Variants in KCNJ6 observed in about 807,000 individuals in gnomAD.
The protein encoded by KCNJ6 is G protein-activated inward rectifier potassium channel 2.
KCNJ6 carries 9 observed loss-of-function variants against 34.2 expected under a neutral mutation model. The observed-to-expected ratio is 0.26, with a 90% confidence interval of 0.16 to 0.46. The LOEUF is 0.46. Ranked by LOEUF, KCNJ6 falls within the 20% of genes least tolerant of loss-of-function variation. The pLI is 1.00. For synonymous variants in KCNJ6, 196 were observed against 207.1 expected (o/e 0.95, Z 0.46); for missense variants, 236 against 531.3 (o/e 0.44, Z 5.46).
chr21:37,668,619 A>AGCAGCATC (rs1252370722), intron 3 of KCNJ6, among the ~76,000 whole-genome samples: 1 of 152,206 alleles, frequency 6.6e-6, no homozygotes, highest in Non-Finnish European at 1.5e-5. Flanking sequence ...CTCGGCCCAC[A>AGCAGCATC]GCAGCATCCG....
chr21:37,678,227 G>A (rs1018861730), intron 3 of KCNJ6, among the ~76,000 whole-genome samples: 1 of 152,194 alleles, frequency 6.6e-6, no homozygotes, highest in Non-Finnish European at 1.5e-5. Flanking sequence ...CAGCTAGTGA[G>A]TGATTCGTTG....
chr21:37,863,855 T>TG lies in KCNJ6; in HGVS notation c.-27-23147_-27-23146insC, dbSNP rs773920622. Among the ~76,000 whole-genome samples, 27 of 82,106 alleles carry TG rather than the reference T, an allele frequency of 3.3e-4. 2 individuals are homozygous for TG. The highest frequency in any genetic ancestry group is 5.1e-4 in the South Asian group (1 of 1,960). The allele number at this position is 82,106 out of a possible 152,430, so 53.9% of individuals were successfully genotyped here. On this transcript the variant is annotated intron_variant, in intron 1 of 3. Transcript: ENST00000609713. ...ATTTTAAAATATAAAGGTTTTTTTT[T>TG]TTTTGTTTTTTTTTTTTTTTGGTGA...
chr21:37,837,443 A>G (rs998118835), intron 2 of KCNJ6, among the ~76,000 whole-genome samples: 3 of 152,192 alleles, frequency 2.0e-5, no homozygotes, highest in African/African-American at 7.2e-5. Context: ...GATGAATGGC[A>G]CGTAGCGGAA....
At chr21:37,717,744 C>T (rs983016404) in intron 2 of KCNJ6, among the ~76,000 whole-genome samples, 2 of 152,234 alleles carry the variant, frequency 1.3e-5, no homozygotes, top group African/African-American at 4.8e-5. Flanking sequence ...GGCTGCCCAG[C>T]TGTGCAAAGC....
At chr21:37,634,295 A>G (rs970610422) in intron 3 of KCNJ6, among the ~76,000 whole-genome samples, 14 of 145,282 alleles carry the variant, frequency 9.6e-5, no homozygotes, top group African/African-American at 3.4e-4. Context: ...TGGCACCTCC[A>G]TCCCCTCTCT....
At chr21:37,797,534 A>G (rs2055249370) in intron 2 of KCNJ6, among the ~76,000 whole-genome samples, 2 of 152,194 alleles carry the variant, frequency 1.3e-5, no homozygotes, top group African/African-American at 4.8e-5. Flanking sequence ...ACAGAATTAT[A>G]ACACCAATGA....
At position 37,622,971 on chromosome 21, in the gene KCNJ6, G is replaced by A. The variant is rs1946500470; in HGVS notation, c.*2188C>T. Reference sequence around the variant, plus strand: ...CCCAAGCCAAGAGTGCCCTTCATTAGGCTGCAGAGAGGTCAAGCCATGGCT... The same window carrying A: ...CCCAAGCCAAGAGTGCCCTTCATTAAGCTGCAGAGAGGTCAAGCCATGGCT... On this transcript the variant is annotated 3_prime_UTR_variant, in exon 4 of 4. Transcript: ENST00000609713. 6.6e-6 allele frequency: 1 copy of A among 152,222 alleles called. No individual in the cohort carries two copies. The highest frequency in any genetic ancestry group is 6.5e-5 in the Admixed American group (1 of 15,280). 9.4% of individuals were successfully genotyped at this position (152,222 alleles called of 1,614,324 possible). A position where few individuals can be genotyped will look rare whatever the true frequency, so the allele number is the denominator to read the frequency against.
intron 1 of KCNJ6, among the ~76,000 whole-genome samples, chr21:37,915,623 G>A (rs1034348029): frequency 2.6e-5 from 4 of 152,256 alleles, no homozygotes; most frequent in Non-Finnish European, 4.4e-5. Context: ...CGAGCCCAGG[G>A]ATGCAGACCC....
At chr21:37,734,452 A>G (rs554386230) in intron 2 of KCNJ6, among the ~76,000 whole-genome samples, 26 of 152,288 alleles carry the variant, frequency 1.7e-4, no homozygotes, top group African/African-American at 6.3e-4. Context: ...GCCCCCTCCA[A>G]TCCCAGGAAG....
intron 3 of KCNJ6, among the ~76,000 whole-genome samples, chr21:37,630,539 A>G (rs2123366816): frequency 6.6e-6 from 1 of 152,316 alleles, no homozygotes; most frequent in South Asian, 2.1e-4. Flanking sequence ...GAGTCATTAG[A>G]AAAGAAAGTG....
At chr21:37,669,074 A>C (rs2054530247) in intron 3 of KCNJ6, among the ~76,000 whole-genome samples, 1 of 152,146 alleles carries the variant, frequency 6.6e-6, no homozygotes. Flanking sequence ...CATCTACATA[A>C]CAAGAACCCT....
At chr21:37,898,587 GA>G (rs112946268) in intron 1 of KCNJ6, among the ~76,000 whole-genome samples, 3,924 of 88,984 alleles carry the variant, frequency 0.044, 150 homozygotes, top group African/African-American at 0.13. Flanking sequence ...CATCTCAAAA[GA>G]AAAAAAAAAA....
chr21:37,846,481 T>A (rs2055508738), intron 1 of KCNJ6, among the ~76,000 whole-genome samples: 2 of 151,586 alleles, frequency 1.3e-5, no homozygotes, highest in African/African-American at 4.9e-5. Context: ...AAGGGTTTTT[T>A]TCTGCTGCAT....
At chr21:37,708,325 ACATCTGATGAACCAGAACAC>A (rs2054732023) in intron 3 of KCNJ6, among the ~76,000 whole-genome samples, 1 of 152,224 alleles carries the variant, frequency 6.6e-6, no homozygotes. Flanking sequence ...AATTGTTAAG[ACATCTGATGAACCAGAACAC>A]AGTGTCCCCA....
intron 3 of KCNJ6, among the ~76,000 whole-genome samples, chr21:37,698,725 C>T (rs2054675517): frequency 6.7e-6 from 1 of 149,520 alleles, no homozygotes; most frequent in Non-Finnish European, 1.5e-5. Context: ...GAGACAGAGT[C>T]TTGCTCTGTC....
chr21:37,711,721 G>T (rs1264328170), intron 3 of KCNJ6, among the ~76,000 whole-genome samples: 5 of 151,948 alleles, frequency 3.3e-5, no homozygotes, highest in East Asian at 1.9e-4. Flanking sequence ...TGTGCTGGGG[G>T]TACTGAGTTG....
chr21:37,865,972 T>C (rs1273885239), intron 1 of KCNJ6, among the ~76,000 whole-genome samples: 3 of 152,036 alleles, frequency 2.0e-5, no homozygotes, highest in African/African-American at 7.2e-5. Flanking sequence ...TTCAACAAAT[T>C]AAAAAAAATC....
intron 2 of KCNJ6, among the ~76,000 whole-genome samples, chr21:37,789,515 G>T (rs1032868148): frequency 2.6e-5 from 4 of 152,152 alleles, no homozygotes; most frequent in African/African-American, 9.7e-5. Context: ...AATTGTGAGA[G>T]AATAGATTTC....
chr21:37,717,407 T>A (rs1432859269), intron 2 of KCNJ6, among the ~76,000 whole-genome samples: 2 of 151,186 alleles, frequency 1.3e-5, no homozygotes, highest in Admixed American at 6.6e-5. Context: ...AGGGGCCATG[T>A]CCTTCTCACT....
Sources: allele counts gnomAD v4.1 joint callset (sites outside exome capture counted in the v4.1 genomes callset), GRCh38; gene constraint gnomAD v4.1.1; transcripts MANE v1.5; gene names NCBI Gene and HGNC (gene_info 2026-07-23, HGNC 2026-07-21).